The following MAST2 variants were observed in gnomAD, a reference collection of about 807,000 sequenced individuals.
The protein encoded by MAST2 is microtubule-associated serine/threonine-protein kinase 2.
In MAST2, 70 loss-of-function variants were observed where a neutral mutation model predicts 147.4. That is an observed-to-expected ratio of 0.47 (90% CI 0.39 to 0.58). The LOEUF is 0.58. Among genes scored for constraint, MAST2 ranks in the 20% least tolerant of loss-of-function variants. The pLI is 0.00. For synonymous variants in MAST2, 869 were observed against 896.8 expected, an observed-to-expected ratio of 0.97 and a Z score of 0.55; for missense variants, 2,080 against 2,302.3, an observed-to-expected ratio of 0.90 and a Z score of 1.98.
intron 3 of MAST2, among the ~76,000 whole-genome samples, chr1:45,848,865 TAAAC>T (rs1200533632): frequency 2.0e-5 from 3 of 152,176 alleles, no homozygotes; most frequent in South Asian, 4.1e-4. Flanking sequence ...CTTCAACTGA[TAAAC>T]AAATTCAGCA....
At position 45,824,595 on chromosome 1, in the gene MAST2, T is replaced by C. The variant is rs369371167; in HGVS notation, c.325+15T>C. 1.5e-4 allele frequency: 237 copies of C among 1,567,050 alleles called. 1 individual carries two copies. Among genetic ancestry groups the C allele is most frequent in the Non-Finnish European group, 1.9e-4 (216 of 1,152,598 alleles). On this transcript the variant is annotated intron_variant, in intron 2 of 28. Coordinates refer to ENST00000361297, the MANE Select transcript of MAST2 (RefSeq NM_015112.3). ...CTCTCTATCGGGTAAATATCTGATT[T>C]TGTTGTTTTAAGAAATGTGGGACCA...
rs142969444 is a variant in MAST2 at position 45,835,331 on chromosome 1, A to T, written c.468+5750A>T. On this transcript the variant is annotated intron_variant, in intron 3 of 28. Transcript: ENST00000361297. ...GCACACAGTTCTGACAGGGAGAGCC[A>T]TGATCAAGGAGTGATTTTCGTTAGA... 3.5e-4 allele frequency among the ~76,000 whole-genome samples: 53 copies of T among 152,276 alleles called. 1 individual carries two copies. The highest frequency in any genetic ancestry group is 1.1e-3 in the African/African-American group (47 of 41,572).
intron 4 of MAST2, among the ~76,000 whole-genome samples, chr1:45,957,524 A>T (rs1390122587): frequency 6.6e-6 from 1 of 152,136 alleles, no homozygotes; most frequent in Non-Finnish European, 1.5e-5. Context: ...TTTCTGGCAC[A>T]ATCATTGGCT....
rs1646894852 is a variant in MAST2, at chr1:45,882,467, T to C, written c.500+72T>C. 14 of 1,187,086 alleles carry C rather than the reference T, an allele frequency of 1.2e-5. No individual in the cohort carries two copies. In the South Asian group the frequency reaches 1.4e-4, roughly 12 times the overall value. The allele number at this position is 1,187,086 out of a possible 1,614,324, so 73.5% of individuals were successfully genotyped here. On this transcript the variant is annotated intron_variant, in intron 4 of 28. Transcript: ENST00000361297. The stretch of plus-strand genomic sequence containing the variant: ...AACCCCTCTTGGGAACATTTCCCAC[T>C]ATCATGTGGAGGAATCCCGCTCAGT...
At chr1:45,967,281 G>T (rs1452278270) in intron 5 of MAST2, among the ~76,000 whole-genome samples, 2 of 152,038 alleles carry the variant, frequency 1.3e-5, no homozygotes, top group Non-Finnish European at 2.9e-5. Flanking sequence ...TGTTGGCCAG[G>T]CTGGTCTTGA....
At chr1:45,871,002 C>T (rs549111636) in intron 3 of MAST2, among the ~76,000 whole-genome samples, 68 of 150,944 alleles carry the variant, frequency 4.5e-4, no homozygotes, top group Non-Finnish European at 8.7e-4. Context: ...CAGAAACCAA[C>T]TATCCCTTTA....
chr1:45,975,963 C>CT (rs1392967358), intron 5 of MAST2, among the ~76,000 whole-genome samples: 1 of 116,780 alleles, frequency 8.6e-6, no homozygotes, highest in African/African-American at 3.1e-5. Context: ...GTTTTTTAAT[C>CT]TAAAAACTGA....
Position 46,023,707 on chromosome 1 carries a change from G to A in MAST2, c.1572-65G>A. On this transcript the variant is annotated intron_variant, in intron 14 of 28. Coordinates refer to ENST00000361297, the MANE Select transcript of MAST2 (RefSeq NM_015112.3). The surrounding 1 kb of genome is among the most constrained non-coding windows in gnomAD (Gnocchi z 4.9). ...TTAAGGTGTGAGAGAAGGCAGTTTG[G>A]GTGGCAGAGAGCACAGCTCAGGTGC... 3 of 1,466,732 alleles carry A rather than the reference G, an allele frequency of 2.0e-6. No homozygotes were observed. In the South Asian group the frequency reaches 3.7e-5, roughly 18 times the overall value. The allele number at this position is 1,466,732 out of a possible 1,614,324, so 90.9% of individuals were successfully genotyped here.
intron 5 of MAST2, among the ~76,000 whole-genome samples, chr1:45,981,162 C>T (rs961751099): frequency 4.6e-5 from 7 of 151,920 alleles, no homozygotes; most frequent in Non-Finnish European, 1.0e-4. Context: ...ACCTCTGCCT[C>T]CCATGTTCAA....
At chr1:45,908,969 G>A (rs1651222761) in intron 4 of MAST2, among the ~76,000 whole-genome samples, 1 of 152,136 alleles carries the variant, frequency 6.6e-6, no homozygotes. Context: ...ATTTGTAGTA[G>A]AATGGCTAGT....
Position 46,031,050 on chromosome 1 carries a change from A to T in MAST2, c.2752A>T (p.Ser918Cys). The T allele has an allele frequency of 1.9e-6, 3 of 1,613,778 alleles. No homozygotes were observed. The highest frequency in any genetic ancestry group is 2.5e-6 in the Non-Finnish European group (3 of 1,179,850). Residue 918 changes from serine to cysteine, a missense_variant, in exon 23 of 29, where the codon AGT becomes TGT. Coordinates refer to ENST00000361297, the MANE Select transcript of MAST2 (RefSeq NM_015112.3). The surrounding 1 kb of genome is among the most constrained non-coding windows in gnomAD (Gnocchi z 4.1). ...LSVSESSHTE[S>C]DSSPPMTVRR... ...GGTGTCTGAGTCATCCCACACAGAG[A>T]GTGACTCAAGCCCTCCAATGACAGT...
intron 4 of MAST2, among the ~76,000 whole-genome samples, chr1:45,899,843 T>C (rs1384499741): frequency 6.6e-6 from 1 of 152,010 alleles, no homozygotes; most frequent in Non-Finnish European, 1.5e-5. Context: ...AAAAGAGCTT[T>C]ACAATTAAAA....
At chr1:45,940,769 G>C (rs1357317502) in intron 4 of MAST2, among the ~76,000 whole-genome samples, 1 of 152,040 alleles carries the variant, frequency 6.6e-6, no homozygotes. Flanking sequence ...ACAGGCACCT[G>C]TCACCACGCC....
At position 46,034,764 on chromosome 1, in the gene MAST2, CCT is replaced by C. The variant is rs772831735; in HGVS notation, c.4096_4097del (p.Leu1366ValfsTer43). On this transcript the variant is annotated frameshift_variant, in exon 29 of 29. Coordinates refer to ENST00000361297, the MANE Select transcript of MAST2 (RefSeq NM_015112.3). LOFTEE classifies it low-confidence loss of function (END_TRUNC). ...TASPQRSPSP[L>X]SGHVAQAFPT... ...CTTCACCTCAGCGGTCCCCATCGCC[CCT>C]GTCTGGCCATGTAGCCCAGGCCTTT... 6.8e-6 allele frequency: 11 copies of C among 1,613,876 alleles called. No individual in the cohort carries two copies. The highest frequency in any genetic ancestry group is 4.0e-5 in the African/African-American group (3 of 74,940).
At chr1:46,013,680 CAAAA>C (rs71587098) in intron 10 of MAST2, among the ~76,000 whole-genome samples, 1 of 132,338 alleles carries the variant, frequency 7.6e-6, no homozygotes, top group African/African-American at 2.7e-5. Flanking sequence ...AACTCTGTCT[CAAAA>C]AAAAAAAAAA....
intron 18 of MAST2, 92 bp from the exon 19 acceptor site, chr1:46,029,374 C>A: frequency 9.4e-7 from 1 of 1,066,642 alleles, no homozygotes; most frequent in Non-Finnish European, 1.4e-6. Flanking sequence ...GTCCTTTTTG[C>A]CTCCTTTCCT....
At chr1:45,830,154 G>C (rs946734274) in intron 3 of MAST2, among the ~76,000 whole-genome samples, 1 of 147,718 alleles carries the variant, frequency 6.8e-6, no homozygotes, top group Non-Finnish European at 1.5e-5. Context: ...ACCACTCCCG[G>C]CCTTAAGAAT....
Position 45,980,783 on chromosome 1 carries a change from G to A in MAST2, c.593-16941G>A, listed in dbSNP as rs1159139879. ...ACTCCTGAGCTGAAGTGATCCTCCT[G>A]CCTTGGCCTCCCAAAGTGCTAGAAT... On this transcript the variant is annotated intron_variant, in intron 5 of 28. Transcript: ENST00000361297. 2.6e-5 allele frequency among the ~76,000 whole-genome samples: 4 copies of A among 152,092 alleles called. No individual in the cohort carries two copies. The East Asian group carries it at 7.7e-4, about 29-fold the overall frequency.
At chr1:45,938,690 A>G (rs1656662540) in intron 4 of MAST2, among the ~76,000 whole-genome samples, 2 of 152,304 alleles carry the variant, frequency 1.3e-5, no homozygotes, top group South Asian at 4.1e-4. Context: ...TTTCACATTC[A>G]CAGAGTTTAT....
Sources: gnomAD v4.1 joint callset for allele counts (sites outside exome capture counted in the v4.1 genomes callset) on GRCh38, gnomAD v4.1.1 for gene constraint, Gnocchi (gnomAD v3.1) non-coding constraint, MANE v1.5 for transcripts, NCBI Gene and HGNC (gene_info 2026-07-23, HGNC 2026-07-21) for gene names.